GABRB2: variants seen among roughly 807,000 people sequenced by gnomAD.
GABRB2 encodes gamma-aminobutyric acid type A receptor subunit beta2, also known as gamma-aminobutyric acid receptor subunit beta-2.
A neutral mutation model predicts 54.7 loss-of-function variants in GABRB2; 16 were observed. That is an observed-to-expected ratio of 0.29 (90% CI 0.20 to 0.44). The LOEUF (loss-of-function observed/expected upper bound fraction) is 0.44. Ranked by LOEUF, GABRB2 falls within the 20% of genes least tolerant of loss-of-function variation. GABRB2 has a pLI of 1.00. For synonymous variants in GABRB2, 244 were observed against 233.8 expected (o/e 1.04, Z -0.40); for missense variants, 355 against 644.0 (o/e 0.55, Z 4.86).
At chr5:161,318,283 C>T (rs1168610695) in intron 9 of GABRB2, among the ~76,000 whole-genome samples, 5 of 150,990 alleles carry the variant, frequency 3.3e-5, no homozygotes, top group Non-Finnish European at 3.0e-5. Flanking sequence ...AATTTTCTGC[C>T]GTGTTTCATC....
At chr5:161,445,031 C>T (rs13189580) in intron 4 of GABRB2, among the ~76,000 whole-genome samples, 3,423 of 152,078 alleles carry the variant, frequency 0.023, 62 homozygotes, top group Non-Finnish European at 0.034. Context: ...AGTGCTGTGG[C>T]GAAACGGCAA....
intron 4 of GABRB2, among the ~76,000 whole-genome samples, chr5:161,420,159 A>T (rs1756806137): frequency 6.6e-6 from 1 of 152,090 alleles, no homozygotes; most frequent in Non-Finnish European, 1.5e-5. Context: ...TTGATTTGTG[A>T]CACATCAGAG....
intron 9 of GABRB2, among the ~76,000 whole-genome samples, chr5:161,300,336 C>T (rs992041489): frequency 6.6e-6 from 1 of 152,006 alleles, no homozygotes; most frequent in Non-Finnish European, 1.5e-5. Flanking sequence ...TCATAAGGTA[C>T]TTTCTATTTT....
chr5:161,385,945 C>T (rs893707207), intron 5 of GABRB2, among the ~76,000 whole-genome samples: 4 of 138,448 alleles, frequency 2.9e-5, no homozygotes, highest in Non-Finnish European at 6.3e-5. Context: ...TACCTATTGT[C>T]TGGTGTGTGT....
At chr5:161,428,062 C>G (rs909184895) in intron 4 of GABRB2, among the ~76,000 whole-genome samples, 1 of 152,144 alleles carries the variant, frequency 6.6e-6, no homozygotes, top group African/African-American at 2.4e-5. Flanking sequence ...ATATTAGACT[C>G]TGTTTTCCTG....
intron 3 of GABRB2, among the ~76,000 whole-genome samples, chr5:161,482,259 T>A (rs946066878): frequency 6.6e-6 from 1 of 152,044 alleles, no homozygotes; most frequent in African/African-American, 2.4e-5. Flanking sequence ...ATGTGCCTTC[T>A]ACAAAGGAGA....
intron 3 of GABRB2, among the ~76,000 whole-genome samples, chr5:161,492,341 A>G (rs2113355326): frequency 6.6e-6 from 1 of 151,806 alleles, no homozygotes; most frequent in Non-Finnish European, 1.5e-5. Flanking sequence ...CTAAATAGCT[A>G]CAGAATCTAG....
At chr5:161,320,140 C>G (rs1561606268) in intron 9 of GABRB2, among the ~76,000 whole-genome samples, 2 of 151,352 alleles carry the variant, frequency 1.3e-5, no homozygotes, top group Non-Finnish European at 3.0e-5. Flanking sequence ...TATAATTGAT[C>G]TTGATTATTC....
intron 4 of GABRB2, among the ~76,000 whole-genome samples, chr5:161,428,635 C>T (rs1157860898): frequency 1.3e-5 from 2 of 152,136 alleles, no homozygotes; most frequent in Non-Finnish European, 2.9e-5. Flanking sequence ...AGTTCTAATA[C>T]ACCTGAATGA....
chr5:161,448,312 A>T (rs1324285744), intron 4 of GABRB2, among the ~76,000 whole-genome samples: 1 of 152,102 alleles, frequency 6.6e-6, no homozygotes, highest in Non-Finnish European at 1.5e-5. Context: ...AGTCCCAGCT[A>T]CTGGGGAGGC....
chr5:161,431,606 T>G (rs1170321249), intron 4 of GABRB2, among the ~76,000 whole-genome samples: 1 of 152,312 alleles, frequency 6.6e-6, no homozygotes, highest in South Asian at 2.1e-4. Flanking sequence ...ACAATTAGTA[T>G]TCGACAAAAA....
chr5:161,334,243 A>G (rs146902461), intron 7 of GABRB2, among the ~76,000 whole-genome samples: 2,264 of 152,316 alleles, frequency 0.015, 29 homozygotes, highest in South Asian at 0.028. Flanking sequence ...GTTAGAAAAA[A>G]ACAGCATAAG....
intron 3 of GABRB2, among the ~76,000 whole-genome samples, chr5:161,536,055 G>T (rs760758600): frequency 6.6e-6 from 1 of 152,144 alleles, no homozygotes; most frequent in Non-Finnish European, 1.5e-5. Flanking sequence ...GACCTCACCA[G>T]ATGCAGATGT....
At chr5:161,381,087 T>G (rs1294325828) in intron 5 of GABRB2, among the ~76,000 whole-genome samples, 2 of 152,210 alleles carry the variant, frequency 1.3e-5, no homozygotes, top group Non-Finnish European at 2.9e-5. Context: ...ATTTCTCTTT[T>G]AATCTTTTTC....
At chr5:161,495,442 T>C (rs143649005) in intron 3 of GABRB2, among the ~76,000 whole-genome samples, 1 of 152,152 alleles carries the variant, frequency 6.6e-6, no homozygotes, top group East Asian at 1.9e-4. Flanking sequence ...TTAGACCTTA[T>C]GAAAAAATCC....
rs1470672442 is a variant in GABRB2, at chr5:161,510,628, G to A, written c.237+34599C>T. Among the ~76,000 whole-genome samples, 4 of 151,746 alleles carry A rather than the reference G, an allele frequency of 2.6e-5. No individual in the cohort carries two copies. In the East Asian group the frequency reaches 7.7e-4, roughly 29 times the overall value. On this transcript the variant is annotated intron_variant, in intron 3 of 9. Coordinates refer to ENST00000393959, the MANE Select transcript of GABRB2 (RefSeq NM_001371727.1). ...CACTATGGCCTTGAGGATAATAAAT[G>A]TTTTGTTTTGTTTTGTTTTGTCTGA...
chr5:161,520,914 A>T (rs1037464214), intron 3 of GABRB2, among the ~76,000 whole-genome samples: 2 of 152,046 alleles, frequency 1.3e-5, no homozygotes, highest in African/African-American at 4.8e-5. Context: ...AACAATCAAT[A>T]GTTGCTGCAA....
intron 9 of GABRB2, among the ~76,000 whole-genome samples, chr5:161,306,707 A>G (rs1757700785): frequency 1.3e-5 from 2 of 152,092 alleles, no homozygotes; most frequent in East Asian, 1.9e-4. Context: ...GGGAGGGTAC[A>G]TGGAATCTCA....
At chr5:161,531,277 G>A (rs1486003647) in intron 3 of GABRB2, among the ~76,000 whole-genome samples, 1 of 152,032 alleles carries the variant, frequency 6.6e-6, no homozygotes, top group Non-Finnish European at 1.5e-5. Flanking sequence ...CATGATTAAT[G>A]TTAAAAGTAT....
Sources: allele counts gnomAD v4.1 joint callset (sites outside exome capture counted in the v4.1 genomes callset), GRCh38; gene constraint gnomAD v4.1.1; transcripts MANE v1.5; gene names NCBI Gene and HGNC (gene_info 2026-07-23, HGNC 2026-07-21).